CNTN6: variants seen among roughly 807,000 people sequenced by gnomAD.
CNTN6 encodes contactin-6.
A neutral mutation model predicts 122.8 loss-of-function variants in CNTN6; 137 were observed. The observed-to-expected ratio is 1.12, with a 90% confidence interval of 0.97 to 1.29. The LOEUF (loss-of-function observed/expected upper bound fraction) is 1.29. Ranked by LOEUF, CNTN6 falls within the 50% of genes most tolerant of loss-of-function variation. The pLI, the probability that CNTN6 is intolerant of heterozygous loss-of-function variation, is 0.00. For synonymous variants in CNTN6, 570 were observed against 426.0 expected, an observed-to-expected ratio of 1.34 and a Z score of -4.16; for missense variants, 1,634 against 1,223.4, an observed-to-expected ratio of 1.34 and a Z score of -5.01.
intron 1 of CNTN6, among the ~76,000 whole-genome samples, chr3:1,142,568 G>A (rs936173524): frequency 3.9e-5 from 6 of 152,076 alleles, no homozygotes; most frequent in Admixed American, 6.6e-5. Flanking sequence ...TTCATTAAAC[G>A]AGAGATCAGC....
chr3:1,192,790 A>G (rs1380544788), intron 2 of CNTN6, among the ~76,000 whole-genome samples: 1 of 152,100 alleles, frequency 6.6e-6, no homozygotes, highest in Admixed American at 6.6e-5. Flanking sequence ...ATATGAAAAT[A>G]AGATATTTCT....
intron 3 of CNTN6, among the ~76,000 whole-genome samples, chr3:1,225,173 A>T (rs1429588845): frequency 6.6e-6 from 1 of 152,236 alleles, no homozygotes. Context: ...TTCAGATGCT[A>T]AAAGCAATCA....
chr3:1,356,919 T>C (rs1463144383), intron 12 of CNTN6, among the ~76,000 whole-genome samples: 3 of 151,902 alleles, frequency 2.0e-5, no homozygotes, highest in Admixed American at 6.6e-5. Flanking sequence ...CTACAATCTC[T>C]TCAAGTAAAA....
chr3:1,337,343 AT>A (rs993925539), intron 11 of CNTN6, among the ~76,000 whole-genome samples: 6 of 152,016 alleles, frequency 3.9e-5, no homozygotes, highest in Admixed American at 6.6e-5. Flanking sequence ...TTCTCTACAT[AT>A]TTTACAATAT....
intron 4 of CNTN6, among the ~76,000 whole-genome samples, chr3:1,258,721 C>A (rs528886337): frequency 2.0e-5 from 3 of 152,184 alleles, no homozygotes; most frequent in Non-Finnish European, 4.4e-5. Context: ...CCTATATCTC[C>A]AGTTCATCTT....
rs915433205 is a variant in CNTN6 at position 1,098,215 on chromosome 3, C to T, written c.-83+5095C>T. Among the ~76,000 whole-genome samples, 85 of 151,020 alleles carry T rather than the reference C, an allele frequency of 5.6e-4. 1 individual carries two copies. The highest frequency in any genetic ancestry group is 1.9e-3 in the African/African-American group (78 of 41,106). ...CTAACCTGCACATTGTGCACATGTA[C>T]CCTAAAACTTAAAGTATAATAATAC... On this transcript the variant is annotated intron_variant, in intron 1 of 22. Coordinates refer to ENST00000446702, the MANE Select transcript of CNTN6 (RefSeq NM_001289080.2).
At chr3:1,238,538 C>G (rs552725745) in intron 4 of CNTN6, among the ~76,000 whole-genome samples, 5 of 152,124 alleles carry the variant, frequency 3.3e-5, no homozygotes, top group Non-Finnish European at 5.9e-5. Context: ...GTCATCAAGA[C>G]AGAAAGTCAA....
chr3:1,314,916 C>A (rs976228685), intron 7 of CNTN6, among the ~76,000 whole-genome samples: 1 of 151,952 alleles, frequency 6.6e-6, no homozygotes, highest in African/African-American at 2.4e-5. Flanking sequence ...GTTCAAGAAT[C>A]CCTCATCTAT....
At chr3:1,205,213 G>A (rs1352926877) in intron 2 of CNTN6, among the ~76,000 whole-genome samples, 2 of 152,130 alleles carry the variant, frequency 1.3e-5, no homozygotes. Context: ...TCACTCCAGA[G>A]CCTCTAGGAA....
At chr3:1,202,057 A>T (rs2093880308) in intron 2 of CNTN6, among the ~76,000 whole-genome samples, 1 of 152,336 alleles carries the variant, frequency 6.6e-6, no homozygotes, top group Admixed American at 6.5e-5. Context: ...CTTAATCTTT[A>T]AAAAATGCTA....
intron 11 of CNTN6, among the ~76,000 whole-genome samples, chr3:1,337,946 C>T (rs1166643914): frequency 6.6e-6 from 1 of 152,092 alleles, no homozygotes; most frequent in African/African-American, 2.4e-5. Context: ...GGGGCACTCA[C>T]CTTTCACACA....
At chr3:1,142,477 G>A (rs545768030) in intron 1 of CNTN6, among the ~76,000 whole-genome samples, 89 of 152,190 alleles carry the variant, frequency 5.8e-4, no homozygotes, top group African/African-American at 2.0e-3. Context: ...TGTTGAGTAC[G>A]TATACACTGA....
intron 5 of CNTN6, among the ~76,000 whole-genome samples, chr3:1,292,934 A>G (rs1397442254): frequency 6.6e-6 from 1 of 152,046 alleles, no homozygotes; most frequent in African/African-American, 2.4e-5. Flanking sequence ...TCCCACACTC[A>G]TAACATGCTT....
intron 1 of CNTN6, among the ~76,000 whole-genome samples, chr3:1,116,524 A>G (rs1260883154): frequency 6.6e-6 from 1 of 152,156 alleles, no homozygotes; most frequent in Non-Finnish European, 1.5e-5. Context: ...TTGAATCTTC[A>G]GTGGACAACA....
intron 11 of CNTN6, among the ~76,000 whole-genome samples, chr3:1,343,948 T>A (rs1704263952): frequency 6.6e-6 from 1 of 152,090 alleles, no homozygotes; most frequent in Non-Finnish European, 1.5e-5. Flanking sequence ...TACAGCATAT[T>A]TGGAGAGCAA....
At chr3:1,180,113 T>C (rs1021327710) in intron 2 of CNTN6, among the ~76,000 whole-genome samples, 1 of 152,180 alleles carries the variant, frequency 6.6e-6, no homozygotes, top group Non-Finnish European at 1.5e-5. Flanking sequence ...TCCAGCTTTG[T>C]TCATCCCAAG....
intron 2 of CNTN6, among the ~76,000 whole-genome samples, chr3:1,157,719 A>G (rs1426310962): frequency 1.3e-5 from 2 of 150,604 alleles, no homozygotes; most frequent in African/African-American, 4.9e-5. Flanking sequence ...AATTGTTTTC[A>G]TTTTTACATC....
intron 7 of CNTN6, among the ~76,000 whole-genome samples, chr3:1,300,567 AAGAAAGAAAG>A (rs1697140695): frequency 1.8e-5 from 1 of 54,508 alleles, no homozygotes; most frequent in African/African-American, 9.0e-5. Flanking sequence ...AAAAGAAAGA[AAGAAAGAAAG>A]AAAGAAAGAA....
chr3:1,375,646 A>G (rs1709750483), intron 16 of CNTN6, among the ~76,000 whole-genome samples: 1 of 152,116 alleles, frequency 6.6e-6, no homozygotes, highest in Admixed American at 6.6e-5. Context: ...AGCACTATAA[A>G]TTCAGCAACT....
Sources: gnomAD v4.1 joint callset for allele counts (sites outside exome capture counted in the v4.1 genomes callset) on GRCh38, gnomAD v4.1.1 for gene constraint, MANE v1.5 for transcripts, NCBI Gene and HGNC (gene_info 2026-07-23, HGNC 2026-07-21) for gene names.